Variants in POU2F3 observed in about 807,000 individuals in gnomAD.
The protein encoded by POU2F3 is POU class 2 homeobox 3.
POU2F3 carries 23 observed loss-of-function variants against 59.2 expected under a neutral mutation model. The ratio of observed to expected loss-of-function variants is 0.39; its 90% CI spans 0.28 to 0.55. The LOEUF is 0.55. Ranked by LOEUF, POU2F3 falls within the 20% of genes least tolerant of loss-of-function variation. POU2F3 has a pLI of 0.66. For synonymous variants in POU2F3, 190 were observed against 214.6 expected (o/e 0.89, Z 1.00); for missense variants, 473 against 544.5 (o/e 0.87, Z 1.31).
rs749188468 is a variant in POU2F3, at chr11:120,317,220, T to C, written c.1136-9T>C. 2 of 1,613,956 alleles carry C rather than the reference T, an allele frequency of 1.2e-6. No individual in the cohort carries two copies. The highest frequency in any genetic ancestry group is 1.7e-6 in the Non-Finnish European group (2 of 1,179,960). On this transcript the variant is annotated splice_polypyrimidine_tract_variant and intron_variant, in intron 11 of 12. Transcript: ENST00000543440. ...TTTCCCCCTTGTTTTTGCCTCTCCTTATCCTCAGTAACGTCATCCTGTTCC... is the reference window on the plus strand; with the variant it reads ...TTTCCCCCTTGTTTTTGCCTCTCCTCATCCTCAGTAACGTCATCCTGTTCC...
At chr11:120,258,856 C>CA (rs1939474131) in intron 2 of POU2F3, 1 of 152,250 alleles carries the variant, frequency 6.6e-6, no homozygotes, top group African/African-American at 2.4e-5. Context: ...AGTGTGTGGC[C>CA]AACAGGGGAT....
chr11:120,300,402 AC>A (rs1371924123), intron 5 of POU2F3, among the ~76,000 whole-genome samples: 5 of 151,984 alleles, frequency 3.3e-5, no homozygotes, highest in Non-Finnish European at 7.4e-5. Flanking sequence ...TTTAGCTGAG[AC>A]CCATACTCTT....
At chr11:120,243,130 G>A (rs1938732428) in intron 1 of POU2F3, among the ~76,000 whole-genome samples, 1 of 152,200 alleles carries the variant, frequency 6.6e-6, no homozygotes, top group Non-Finnish European at 1.5e-5. Context: ...AGAAATGAGA[G>A]AAGTCTCCTC....
At chr11:120,238,356 C>A (rs1346548509), upstream of POU2F3, among the ~76,000 whole-genome samples, 1 of 152,068 alleles carries the variant, frequency 6.6e-6, no homozygotes, top group African/African-American at 2.4e-5. Flanking sequence ...CCTGAAGAAG[C>A]AATTAAGTGC....
chr11:120,283,736 C>T lies in POU2F3; in HGVS notation c.132+14492C>T, dbSNP rs117028204. ...AAATGCCTCATTCTCCAACTTACCC[C>T]CTCCACTACCTCCACCTGTGTGCCT... On this transcript the variant is annotated intron_variant, in intron 3 of 12. Coordinates refer to ENST00000543440, the MANE Select transcript of POU2F3 (RefSeq NM_014352.4). 1.6e-3 allele frequency among the ~76,000 whole-genome samples: 247 copies of T among 151,678 alleles called. 3 individuals carry two copies. Among genetic ancestry groups the T allele is most frequent in the African/African-American group, 5.4e-3 (223 of 41,356 alleles).
At position 120,240,302 on chromosome 11, in the gene POU2F3, G is replaced by T; in HGVS notation, c.-42G>T. The T allele has an allele frequency of 7.5e-7, 1 of 1,329,922 alleles. No homozygotes were observed. The allele number at this position is 1,329,922 out of a possible 1,614,324, so 82.4% of individuals were successfully genotyped here. A position where few individuals can be genotyped will look rare whatever the true frequency, so the allele number is the denominator to read the frequency against. On this transcript the variant is annotated 5_prime_UTR_variant, in exon 1 of 13. In the 5' UTR this introduces an upstream ATG that the reference lacks. Coordinates refer to ENST00000543440, the MANE Select transcript of POU2F3 (RefSeq NM_014352.4). ...GGGGCCCCGGCTGGGGCAGAGGCGAGGGGCCTGGGGGGGCGCTGGCTTTGG... is the reference window on the plus strand; with the variant it reads ...GGGGCCCCGGCTGGGGCAGAGGCGATGGGCCTGGGGGGGCGCTGGCTTTGG...
intron 3 of POU2F3, among the ~76,000 whole-genome samples, chr11:120,283,667 C>T (rs1940661460): frequency 6.6e-6 from 1 of 152,144 alleles, no homozygotes; most frequent in African/African-American, 2.4e-5. Context: ...TCCCCACTTC[C>T]CATCTCATTC....
At chr11:120,306,238 G>GGAC (rs1941482872) in intron 8 of POU2F3, among the ~76,000 whole-genome samples, 1 of 152,192 alleles carries the variant, frequency 6.6e-6, no homozygotes, top group African/African-American at 2.4e-5. Flanking sequence ...TCTTGAGGAG[G>GGAC]TTTTCAGCAG....
chr11:120,253,363 G>A (rs551997835), intron 2 of POU2F3, among the ~76,000 whole-genome samples: 14 of 151,874 alleles, frequency 9.2e-5, no homozygotes, highest in East Asian at 5.8e-4. Flanking sequence ...GGGTTCAAGC[G>A]ATTCTCCTGC....
At chr11:120,240,488 C>G in intron 1 of POU2F3, 117 bp downstream of exon 1, 1 of 1,109,074 alleles carries the variant, frequency 9.0e-7, no homozygotes, top group Non-Finnish European at 1.1e-6. Context: ...CAGGAGAGGG[C>G]GGTGTGGATA....
Position 120,269,123 on chromosome 11 carries a change from C to T in POU2F3, c.98-87C>T, listed in dbSNP as rs573084222. On this transcript the variant is annotated intron_variant, in intron 2 of 12. Coordinates refer to ENST00000543440, the MANE Select transcript of POU2F3 (RefSeq NM_014352.4). Reference sequence around the variant, plus strand: ...TGCTCTTTTTCAAAATAGAGCCACACGCCTCTCAACATCCTAGTTTTTTTC... The same window carrying T: ...TGCTCTTTTTCAAAATAGAGCCACATGCCTCTCAACATCCTAGTTTTTTTC... 1.7e-5 allele frequency: 17 copies of T among 1,014,206 alleles called. No homozygotes were observed. In the African/African-American group the frequency reaches 2.1e-4, roughly 13 times the overall value. 62.8% of individuals were successfully genotyped at this position (1,014,206 alleles called of 1,614,324 possible).
intron 3 of POU2F3, among the ~76,000 whole-genome samples, chr11:120,290,920 C>G (rs954262421): frequency 3.3e-5 from 5 of 152,206 alleles, no homozygotes; most frequent in African/African-American, 9.6e-5. Context: ...CACACTAGGA[C>G]AGAGATTTCA....
upstream of POU2F3, chr11:120,236,656 G>T (rs780441687): frequency 6.7e-7 from 1 of 1,490,098 alleles, no homozygotes; most frequent in Non-Finnish European, 9.0e-7. Context: ...CCAGCCCAGA[G>T]CTCAAAAAAC....
At chr11:120,275,034 G>A (rs1940263180) in intron 3 of POU2F3, among the ~76,000 whole-genome samples, 1 of 152,218 alleles carries the variant, frequency 6.6e-6, no homozygotes. Context: ...GTGTCTGTCT[G>A]GTCCACAGTG....
intron 10 of POU2F3, among the ~76,000 whole-genome samples, chr11:120,312,872 A>G (rs1941686068): frequency 6.6e-6 from 1 of 152,202 alleles, no homozygotes; most frequent in Non-Finnish European, 1.5e-5. Flanking sequence ...CACCATTGCT[A>G]TTAACAGGGA....
intron 1 of POU2F3, among the ~76,000 whole-genome samples, chr11:120,243,605 A>G (rs1393439836): frequency 6.6e-6 from 1 of 152,056 alleles, no homozygotes; most frequent in African/African-American, 2.4e-5. Flanking sequence ...GCCCCACCCC[A>G]CACCTCTCTC....
intron 4 of POU2F3, among the ~76,000 whole-genome samples, chr11:120,298,781 G>T (rs895770288): frequency 1.3e-5 from 2 of 152,204 alleles, no homozygotes; most frequent in African/African-American, 4.8e-5. Flanking sequence ...AGAATGGAGT[G>T]CTGGTGGGGG....
At position 120,268,836 on chromosome 11, in the gene POU2F3, G is replaced by T. The variant is rs932068533; in HGVS notation, c.98-374G>T. 2.6e-5 allele frequency among the ~76,000 whole-genome samples: 4 copies of T among 152,092 alleles called. No individual in the cohort carries two copies. In the South Asian group the frequency reaches 6.2e-4, roughly 24 times the overall value. ...TTGGGATCCATGCTGGTCTCTTCTTGGTCCCTTGGTCCCTGGAGGGATGTA... is the reference window on the plus strand; with the variant it reads ...TTGGGATCCATGCTGGTCTCTTCTTTGTCCCTTGGTCCCTGGAGGGATGTA... On this transcript the variant is annotated intron_variant, in intron 2 of 12. Transcript: ENST00000543440.
At chr11:120,304,903 G>A (rs1045488833) in intron 6 of POU2F3, 127 bp from the exon 7 acceptor site, 3 of 685,450 alleles carry the variant, frequency 4.4e-6, no homozygotes, top group Non-Finnish European at 6.7e-6. Context: ...TACCCAGGGT[G>A]TATCCAGGGA....
Sources: allele counts gnomAD v4.1 joint callset (sites outside exome capture counted in the v4.1 genomes callset), GRCh38; gene constraint gnomAD v4.1.1; transcripts MANE v1.5; gene names NCBI Gene and HGNC (gene_info 2026-07-23, HGNC 2026-07-21).